The following CHCHD6 variants were observed in gnomAD, a reference collection of about 807,000 sequenced individuals.
CHCHD6 encodes MICOS complex subunit MIC25.
In CHCHD6, 28 loss-of-function variants were observed where a neutral mutation model predicts 32.3. The observed-to-expected ratio is 0.87, with a 90% CI of 0.64 to 1.19. The LOEUF (loss-of-function observed/expected upper bound fraction) is 1.19, where lower values mean the gene tolerates loss of function less well. CHCHD6 is among the 50% of genes most tolerant of loss of function. The pLI is 0.00. For missense variants in CHCHD6, 333 were observed against 307.0 expected (o/e 1.08, Z -0.63); for synonymous variants, 122 against 117.5 (o/e 1.04, Z -0.25).
At chr3:126,732,017 T>C (rs1390906941) in intron 3 of CHCHD6, among the ~76,000 whole-genome samples, 2 of 143,744 alleles carry the variant, frequency 1.4e-5, no homozygotes, top group Non-Finnish European at 3.0e-5. Flanking sequence ...AGTTGGAGTT[T>C]ACAGTGAGTT....
chr3:126,785,821 A>T (rs961493234), intron 4 of CHCHD6, among the ~76,000 whole-genome samples: 1 of 151,942 alleles, frequency 6.6e-6, no homozygotes, highest in South Asian at 2.1e-4. Flanking sequence ...TCTTTTATAC[A>T]TATATATAAG....
intron 4 of CHCHD6, among the ~76,000 whole-genome samples, chr3:126,750,262 G>T (rs146605313): frequency 6.6e-6 from 1 of 152,164 alleles, no homozygotes; most frequent in African/African-American, 2.4e-5. Flanking sequence ...CCACAGAGTC[G>T]TCTTTGACTA....
chr3:126,847,337 C>A (rs1305101649), intron 4 of CHCHD6, among the ~76,000 whole-genome samples: 2 of 152,152 alleles, frequency 1.3e-5, no homozygotes, highest in Non-Finnish European at 2.9e-5. Context: ...GGCCTCCGGT[C>A]CTCACTGGCT....
At position 126,917,876 on chromosome 3, in the gene CHCHD6, T is replaced by G. The variant is rs149704611; in HGVS notation, c.566+3126T>G. ...TCAGAAAGTGGGCCCTCACCAGACATCAGATCTGCCAGTGCCTTGATCTTA... is the reference window on the plus strand; with the variant it reads ...TCAGAAAGTGGGCCCTCACCAGACAGCAGATCTGCCAGTGCCTTGATCTTA... On this transcript the variant is annotated intron_variant, in intron 6 of 7. Transcript: ENST00000290913. 2.1e-3 allele frequency among the ~76,000 whole-genome samples: 322 copies of G among 152,246 alleles called. 1 individual carries two copies. Among genetic ancestry groups the G allele is most frequent in the African/African-American group, 7.5e-3 (310 of 41,544 alleles).
chr3:126,949,261 C>T (rs2078680561), intron 6 of CHCHD6: 1 of 158,260 alleles, frequency 6.3e-6, no homozygotes, highest in African/African-American at 2.4e-5. Flanking sequence ...TATCTAGGCA[C>T]AAACAGGCAA....
At chr3:126,882,637 G>A (rs1225814311) in intron 5 of CHCHD6, among the ~76,000 whole-genome samples, 1 of 152,158 alleles carries the variant, frequency 6.6e-6, no homozygotes, top group African/African-American at 2.4e-5. Context: ...ACTCCTCACA[G>A]CAATCTGTGA....
chr3:126,842,146 C>A (rs374723464), intron 4 of CHCHD6, among the ~76,000 whole-genome samples: 5 of 151,994 alleles, frequency 3.3e-5, no homozygotes, highest in Admixed American at 1.3e-4. Flanking sequence ...ACCAGCTACT[C>A]CGGAGGCTGA....
chr3:126,853,736 G>C (rs1485680891), intron 5 of CHCHD6, among the ~76,000 whole-genome samples: 1 of 152,196 alleles, frequency 6.6e-6, no homozygotes, highest in Non-Finnish European at 1.5e-5. Context: ...CATAGTCTGA[G>C]GAATGGCAGT....
intron 1 of CHCHD6, among the ~76,000 whole-genome samples, chr3:126,726,108 C>T (rs1242707641): frequency 6.6e-6 from 1 of 152,214 alleles, no homozygotes; most frequent in Non-Finnish European, 1.5e-5. Flanking sequence ...TAGCTTTCGA[C>T]ATGCCTTCCT....
intron 1 of CHCHD6, among the ~76,000 whole-genome samples, chr3:126,718,329 G>A (rs2107653131): frequency 6.6e-6 from 1 of 152,320 alleles, no homozygotes; most frequent in East Asian, 1.9e-4. Context: ...TCACTTAATA[G>A]CTAATATCAA....
At chr3:126,711,695 G>A (rs150334782) in intron 1 of CHCHD6, among the ~76,000 whole-genome samples, 4 of 152,316 alleles carry the variant, frequency 2.6e-5, no homozygotes, top group African/African-American at 9.6e-5. Flanking sequence ...TAGACACCAC[G>A]AAGGGGTTGC....
intron 5 of CHCHD6, among the ~76,000 whole-genome samples, chr3:126,872,104 G>A (rs1057497113): frequency 3.3e-5 from 5 of 152,152 alleles, no homozygotes; most frequent in East Asian, 1.9e-4. Flanking sequence ...GGGCCATTTG[G>A]CAACATCTGG....
intron 5 of CHCHD6, among the ~76,000 whole-genome samples, chr3:126,860,394 A>G (rs975691984): frequency 3.9e-5 from 6 of 151,940 alleles, no homozygotes; most frequent in African/African-American, 4.8e-5. Context: ...GGAATTGACA[A>G]TGAGAACACT....
rs201344490 is a variant in CHCHD6, at chr3:126,727,163, G to A, written c.173G>A (p.Gly58Asp). ...TCTTCTACCTTTGGCCTTCAAGATGGCAACTTGAGAGCCCCTCACAAAGGT... is the reference window on the plus strand; with the variant it reads ...TCTTCTACCTTTGGCCTTCAAGATGACAACTTGAGAGCCCCTCACAAAGGT... The part of the protein sequence containing the change: ...PTSSTFGLQD[G>D]NLRAPHKEST... Residue 58 changes from glycine (G) to aspartate (D), a missense_variant, in exon 2 of 8, where the codon GGC becomes GAC. Transcript: ENST00000290913. 1.9e-6 allele frequency: 3 copies of A among 1,612,074 alleles called. No homozygotes were observed. In the African/African-American group the frequency reaches 4.0e-5, roughly 22 times the overall value.
At chr3:126,742,308 G>A (rs1936320334) in intron 4 of CHCHD6, among the ~76,000 whole-genome samples, 1 of 152,200 alleles carries the variant, frequency 6.6e-6, no homozygotes, top group Non-Finnish European at 1.5e-5. Flanking sequence ...TCAAGGGCTT[G>A]TGGGACTCTC....
intron 4 of CHCHD6, among the ~76,000 whole-genome samples, chr3:126,741,274 C>G (rs940625434): frequency 6.6e-6 from 1 of 152,186 alleles, no homozygotes; most frequent in Admixed American, 6.5e-5. Flanking sequence ...TTTACTCTTC[C>G]TCCTTCACTT....
At chr3:126,959,384 G>A (rs548274654) in intron 7 of CHCHD6, among the ~76,000 whole-genome samples, 2 of 152,338 alleles carry the variant, frequency 1.3e-5, no homozygotes, top group African/African-American at 4.8e-5. Context: ...TGACTCCCTC[G>A]GAGCCCCAGC....
intron 5 of CHCHD6, among the ~76,000 whole-genome samples, chr3:126,876,875 A>G (rs2077545915): frequency 6.6e-6 from 1 of 152,196 alleles, no homozygotes; most frequent in Non-Finnish European, 1.5e-5. Context: ...CCATAATATG[A>G]TAAGAGAGAA....
intron 1 of CHCHD6, 82 bp downstream of exon 1, chr3:126,704,481 G>A: frequency 1.1e-6 from 1 of 889,844 alleles, no homozygotes; most frequent in Non-Finnish European, 1.6e-6. Context: ...CAGGGCCGGG[G>A]CTCTTTCCAC....
Sources: gnomAD v4.1 joint callset for allele counts (sites outside exome capture counted in the v4.1 genomes callset) on GRCh38, gnomAD v4.1.1 for gene constraint, MANE v1.5 for transcripts, NCBI Gene and HGNC (gene_info 2026-07-23, HGNC 2026-07-21) for gene names.